Variants in DDX60 observed in about 807,000 individuals in gnomAD.
The protein encoded by DDX60 is DExD/H-box helicase 60, also known as probable ATP-dependent RNA helicase DDX60.
A neutral mutation model predicts 212.8 loss-of-function variants in DDX60; 165 were observed. The observed-to-expected ratio is 0.78, with a 90% CI of 0.68 to 0.88. The LOEUF (loss-of-function observed/expected upper bound fraction) is 0.88, where lower values mean the gene tolerates loss of function less well. Ranked by LOEUF, DDX60 falls within the 40% of genes least tolerant of loss-of-function variation. The probability of loss-of-function intolerance (pLI) is 0.00; values close to 1 mark genes in which losing one functional copy is unlikely to be tolerated. For synonymous variants in DDX60, 703 were observed against 685.3 expected (o/e 1.03, Z -0.40); for missense variants, 1,905 against 2,003.9 (o/e 0.95, Z 0.94).
In DDX60 at chr4:168,280,319, A is replaced by T. The variant is rs756692642; in HGVS notation, c.1978+16T>A. ...AATTCTCCAACTCACCGAAATAACA[A>T]AACAGAATTACATACCTTCTTCACT... On this transcript the variant is annotated intron_variant, in intron 14 of 37. Coordinates refer to ENST00000393743, the MANE Select transcript of DDX60 (RefSeq NM_017631.6). 6.3e-7 allele frequency: 1 copy of T among 1,587,890 alleles called. No individual in the cohort carries two copies. The highest frequency in any genetic ancestry group is 1.4e-5 in the African/African-American group (1 of 73,442).
chr4:168,276,265 G>T (rs1226805490), intron 14 of DDX60, 84 bp from the exon 15 acceptor site: 2 of 1,154,278 alleles, frequency 1.7e-6, no homozygotes, highest in South Asian at 1.6e-5. Flanking sequence ...CATCTAGATG[G>T]CCTCACTATC....
At chr4:168,323,457 C>T (rs1447759919), upstream of DDX60, among the ~76,000 whole-genome samples, 2 of 152,120 alleles carry the variant, frequency 1.3e-5, no homozygotes, top group African/African-American at 4.8e-5. Flanking sequence ...TTAATAAGAG[C>T]TCTTTGAACT....
rs1733714295 is a variant in DDX60 at position 168,238,427 on chromosome 4, GGGA to G, written c.4165-635_4165-633del. Among the ~76,000 whole-genome samples the G allele has an allele frequency of 6.8e-3, 31 of 4,570 alleles. 1 individual carries two copies. Among genetic ancestry groups the G allele is most frequent in the Admixed American group, 8.9e-3 (3 of 336 alleles). The allele number at this position is 4,570 out of a possible 152,430, so 3.0% of individuals were successfully genotyped here. ...GGGGAGGGGAGGAGAGGGGAGGGAA[GGGA>G]AGGGAAGGGAAGGGAAGGGAAGGGA... On this transcript the variant is annotated intron_variant, in intron 30 of 37. Coordinates refer to ENST00000393743, the MANE Select transcript of DDX60 (RefSeq NM_017631.6).
intron 5 of DDX60, among the ~76,000 whole-genome samples, chr4:168,305,292 G>C (rs1171375172): frequency 6.6e-6 from 1 of 152,166 alleles, no homozygotes; most frequent in Non-Finnish European, 1.5e-5. Flanking sequence ...ATGCATGACT[G>C]TACTAACTAA....
At chr4:168,325,359 G>A in the DDX60 span, among the ~76,000 whole-genome samples, 8 of 152,090 alleles carry the variant, frequency 5.3e-5, no homozygotes, top group Non-Finnish European at 1.0e-4. Flanking sequence ...AAATTAGGAT[G>A]CCAACAATTT....
rs752636248 is a variant in DDX60 at position 168,311,075 on chromosome 4, TA to T, written c.5-9del. 4.8e-4 allele frequency: 720 copies of T among 1,504,926 alleles called. 1 individual carries two copies. Among genetic ancestry groups the T allele is most frequent in the Middle Eastern group, 6.9e-4 (4 of 5,804 alleles). 93.2% of individuals were successfully genotyped at this position (1,504,926 alleles called of 1,614,324 possible). A position where few individuals can be genotyped will look rare whatever the true frequency, so the allele number is the denominator to read the frequency against. ...TTGTAAGAACATTTCTTTCTAAATT[TA>T]AAAAAAAAGAGAGAAAGAGAATGGG... On this transcript the variant is annotated splice_polypyrimidine_tract_variant and intron_variant, in intron 2 of 37. Transcript: ENST00000393743.
intron 20 of DDX60, 37 bp from the exon 21 acceptor site, chr4:168,268,020 A>G (rs1362460148): frequency 6.4e-7 from 1 of 1,553,888 alleles, no homozygotes; most frequent in East Asian, 2.3e-5. Context: ...TAGGCAGAAC[A>G]TGGAACTACT....
rs137941060 is a variant in DDX60 at position 168,296,268 on chromosome 4, T to A, written c.724-2323A>T. 2.5e-3 allele frequency among the ~76,000 whole-genome samples: 388 copies of A among 152,250 alleles called. 3 individuals are homozygous for A. The highest frequency in any genetic ancestry group is 8.3e-3 in the African/African-American group (346 of 41,558). On this transcript the variant is annotated intron_variant, in intron 6 of 37. Transcript: ENST00000393743. ...GTTGTACTTCATAAATATATAGTTATGATGTGTCAATCAAAAATATTTTTT... is the reference window on the plus strand; with the variant it reads ...GTTGTACTTCATAAATATATAGTTAAGATGTGTCAATCAAAAATATTTTTT...
At chr4:168,250,917 A>G (rs142160901) in intron 28 of DDX60, 37 bp downstream of exon 28, 903 of 1,501,198 alleles carry the variant, frequency 6.0e-4, no homozygotes, top group Non-Finnish European at 8.1e-4. Context: ...TGAAACAGTC[A>G]CAATTTCAAT....
chr4:168,268,457 A>C (rs1734945128), intron 20 of DDX60, among the ~76,000 whole-genome samples: 1 of 152,202 alleles, frequency 6.6e-6, no homozygotes, highest in Non-Finnish European at 1.5e-5. Flanking sequence ...GTTTTCATCT[A>C]ATAAGAATTT....
intron 1 of DDX60, among the ~76,000 whole-genome samples, chr4:168,317,952 C>A (rs967012970): frequency 3.9e-5 from 6 of 152,144 alleles, no homozygotes; most frequent in African/African-American, 1.4e-4. Context: ...TCCCATGAGG[C>A]CACAGCTCTG....
intron 2 of DDX60, 33 bp from the exon 3 acceptor site, chr4:168,311,100 G>T: frequency 6.9e-7 from 1 of 1,456,488 alleles, no homozygotes; most frequent in Non-Finnish European, 9.5e-7. Context: ...AAAGAGAATG[G>T]GTTATTTTTC....
the DDX60 span, among the ~76,000 whole-genome samples, chr4:168,324,658 T>C: frequency 6.6e-6 from 1 of 152,232 alleles, no homozygotes; most frequent in Non-Finnish European, 1.5e-5. Flanking sequence ...GCATCAGAGA[T>C]GGAGCAGTCC....
At chr4:168,307,549 T>C (rs1194298504) in intron 4 of DDX60, among the ~76,000 whole-genome samples, 1 of 151,986 alleles carries the variant, frequency 6.6e-6, no homozygotes, top group Non-Finnish European at 1.5e-5. Context: ...GCTCAAGTAA[T>C]CCTCCCACCT....
intron 28 of DDX60, among the ~76,000 whole-genome samples, chr4:168,249,437 G>A (rs576808447): frequency 6.4e-4 from 98 of 152,230 alleles, no homozygotes; most frequent in African/African-American, 4.3e-4. Flanking sequence ...ATATATCTGC[G>A]AAAATGCAAC....
chr4:168,231,993 A>C (rs1733471848), intron 33 of DDX60, among the ~76,000 whole-genome samples: 1 of 152,034 alleles, frequency 6.6e-6, no homozygotes, highest in Admixed American at 6.6e-5. Context: ...AGCTCCTAGA[A>C]CTGATAAATG....
chr4:168,268,980 A>AC lies in DDX60; in HGVS notation c.2671-12_2671-11insG, dbSNP rs561115937. On this transcript the variant is annotated splice_polypyrimidine_tract_variant and intron_variant, in intron 19 of 37. Transcript: ENST00000393743. ...ACCAAGACAATGAACCTATTAAACA[A>AC]AAAAAAAAAAATCTCAACTGAAAAG... 1.2e-6 allele frequency: 1 copy of AC among 808,534 alleles called. No homozygotes were observed. Among genetic ancestry groups the AC allele is most frequent in the African/African-American group, 6.4e-5 (1 of 15,710 alleles). The allele number at this position is 808,534 out of a possible 1,614,324, so 50.1% of individuals were successfully genotyped here.
chr4:168,262,540 T>C, intron 23 of DDX60, 143 bp downstream of exon 23: 1 of 589,480 alleles, frequency 1.7e-6, no homozygotes. Context: ...CAGATAATGT[T>C]AGAAATATGA....
chr4:168,218,603 G>C (rs1732935149), intron 37 of DDX60, among the ~76,000 whole-genome samples: 1 of 152,048 alleles, frequency 6.6e-6, no homozygotes, highest in Non-Finnish European at 1.5e-5. Context: ...TTGCTCAAAA[G>C]ATGAAGCCCA....
Sources: gnomAD v4.1 joint callset for allele counts (sites outside exome capture counted in the v4.1 genomes callset) on GRCh38, gnomAD v4.1.1 for gene constraint, MANE v1.5 for transcripts, NCBI Gene and HGNC (gene_info 2026-07-23, HGNC 2026-07-21) for gene names.